Variants in INSYN2B observed in about 807,000 individuals in gnomAD.
INSYN2B encodes protein INSYN2B.
Under a neutral mutation model 41.2 loss-of-function variants are expected in INSYN2B, and 16 were observed. The ratio of observed to expected loss-of-function variants is 0.39; its 90% confidence interval spans 0.26 to 0.59. INSYN2B has a LOEUF of 0.59. Ranked by LOEUF, INSYN2B falls within the 20% of genes least tolerant of loss-of-function variation. INSYN2B has a pLI of 0.57. For missense variants in INSYN2B, 608 were observed against 646.4 expected, an observed-to-expected ratio of 0.94 and a Z score of 0.64; for synonymous variants, 245 against 244.4, an observed-to-expected ratio of 1.00 and a Z score of -0.02.
At chr5:169,919,848 A>G (rs1306900625) in intron 1 of INSYN2B, among the ~76,000 whole-genome samples, 3 of 152,248 alleles carry the variant, frequency 2.0e-5, no homozygotes, top group African/African-American at 7.2e-5. Context: ...ATGATGCTTT[A>G]AAGGTGGAAA....
At chr5:169,879,145 A>G (rs559556953) in intron 3 of INSYN2B, among the ~76,000 whole-genome samples, 1 of 152,284 alleles carries the variant, frequency 6.6e-6, no homozygotes, top group East Asian at 1.9e-4. Flanking sequence ...TGGCTAATTT[A>G]GCAGCAACAT....
At chr5:169,973,161 C>T (rs1777589512) in intron 1 of INSYN2B, among the ~76,000 whole-genome samples, 1 of 152,156 alleles carries the variant, frequency 6.6e-6, no homozygotes, top group Non-Finnish European at 1.5e-5. Context: ...GGCTTGGTCA[C>T]CCGATGTTCT....
intron 1 of INSYN2B, among the ~76,000 whole-genome samples, chr5:169,931,769 A>C (rs1042863577): frequency 6.6e-6 from 1 of 152,170 alleles, no homozygotes; most frequent in Non-Finnish European, 1.5e-5. Context: ...AGATGGAAGC[A>C]CAGCCAAGTG....
intron 1 of INSYN2B, among the ~76,000 whole-genome samples, chr5:169,928,688 C>T (rs1561831474): frequency 6.6e-6 from 1 of 152,046 alleles, no homozygotes; most frequent in African/African-American, 2.4e-5. Flanking sequence ...AAGCGTAAAG[C>T]ATTAGAAAAA....
chr5:169,865,209 T>C (rs1282649164), intron 3 of INSYN2B, among the ~76,000 whole-genome samples: 6 of 152,222 alleles, frequency 3.9e-5, no homozygotes, highest in Non-Finnish European at 8.8e-5. Flanking sequence ...GCTATTTTAC[T>C]TGTGTGTTTT....
intron 1 of INSYN2B, among the ~76,000 whole-genome samples, chr5:169,890,294 C>A (rs1240189668): frequency 6.6e-6 from 1 of 152,162 alleles, no homozygotes; most frequent in Non-Finnish European, 1.5e-5. Context: ...CTCCAAAGTC[C>A]TAAGCACAGT....
chr5:169,928,549 T>C (rs4867577), intron 1 of INSYN2B, among the ~76,000 whole-genome samples: 38,753 of 152,002 alleles, frequency 0.25, 6,115 homozygotes, highest in East Asian at 0.47. Context: ...CCAAAACCAG[T>C]GAGTGACATG....
chr5:169,897,440 C>T (rs1773676773), intron 1 of INSYN2B, among the ~76,000 whole-genome samples: 1 of 152,158 alleles, frequency 6.6e-6, no homozygotes, highest in African/African-American at 2.4e-5. Flanking sequence ...CCTCCTGCCT[C>T]TTCCTCCCAA....
chr5:169,905,410 G>A (rs1774222066), intron 1 of INSYN2B, among the ~76,000 whole-genome samples: 1 of 151,922 alleles, frequency 6.6e-6, no homozygotes, highest in South Asian at 2.1e-4. Context: ...ACATCTGAAA[G>A]CCAGCTGCCC....
chr5:169,941,858 T>G (rs1776258035), intron 1 of INSYN2B, among the ~76,000 whole-genome samples: 2 of 152,186 alleles, frequency 1.3e-5, no homozygotes, highest in Non-Finnish European at 2.9e-5. Flanking sequence ...GCTGCCAATT[T>G]TGGTTTGCGT....
chr5:169,938,739 G>A (rs1290162317), intron 1 of INSYN2B, among the ~76,000 whole-genome samples: 1 of 152,098 alleles, frequency 6.6e-6, no homozygotes, highest in Non-Finnish European at 1.5e-5. Context: ...TTCTTCATCA[G>A]TAGAAAATTA....
intron 1 of INSYN2B, among the ~76,000 whole-genome samples, chr5:169,951,013 G>A (rs1776641786): frequency 6.6e-6 from 1 of 152,166 alleles, no homozygotes; most frequent in African/African-American, 2.4e-5. Flanking sequence ...CAGCTGCTCC[G>A]AAGTCAGATT....
At chr5:169,942,953 C>G (rs259912) in intron 1 of INSYN2B, among the ~76,000 whole-genome samples, 7,868 of 152,238 alleles carry the variant, frequency 0.052, 441 homozygotes, top group African/African-American at 0.14. Flanking sequence ...ATGAGAGACT[C>G]TATGTAAAAC....
At chr5:169,917,417 G>A (rs537292210) in intron 1 of INSYN2B, among the ~76,000 whole-genome samples, 124 of 152,256 alleles carry the variant, frequency 8.1e-4, no homozygotes, top group Admixed American at 1.6e-3. Context: ...GGATTCTAGA[G>A]TTTCCTTTGG....
chr5:169,921,439 T>A (rs1251593559), intron 1 of INSYN2B, among the ~76,000 whole-genome samples: 1 of 152,224 alleles, frequency 6.6e-6, no homozygotes, highest in East Asian at 1.9e-4. Flanking sequence ...CTTTTAAAGA[T>A]GAAGACTGTA....
chr5:169,949,891 T>C (rs985253846), intron 1 of INSYN2B, among the ~76,000 whole-genome samples: 2 of 152,042 alleles, frequency 1.3e-5, no homozygotes, highest in Non-Finnish European at 2.9e-5. Context: ...ACATACGTGC[T>C]CATATCAGTT....
At chr5:169,910,867 G>A (rs540992255) in intron 1 of INSYN2B, among the ~76,000 whole-genome samples, 12 of 152,128 alleles carry the variant, frequency 7.9e-5, no homozygotes, top group Non-Finnish European at 1.2e-4. Context: ...CCACCTAGTC[G>A]GTTTCTCCTG....
intron 1 of INSYN2B, among the ~76,000 whole-genome samples, chr5:169,945,448 T>C (rs775151265): frequency 6.6e-6 from 1 of 152,284 alleles, no homozygotes; most frequent in Non-Finnish European, 1.5e-5. Flanking sequence ...TAACAAGTGT[T>C]ATTAATTGAG....
chr5:169,940,186 C>T (rs959140311), intron 1 of INSYN2B, among the ~76,000 whole-genome samples: 11 of 152,288 alleles, frequency 7.2e-5, no homozygotes, highest in African/African-American at 2.6e-4. Context: ...TAGAAGGGAC[C>T]TGCTGCTTTA....
Sources: allele counts gnomAD v4.1 joint callset (sites outside exome capture counted in the v4.1 genomes callset), GRCh38; gene constraint gnomAD v4.1.1; transcripts MANE v1.5; gene names NCBI Gene and HGNC (gene_info 2026-07-23, HGNC 2026-07-21).